The following SIDT2 variants were observed in gnomAD, a reference collection of about 807,000 sequenced individuals.
SIDT2 encodes SID1 transmembrane family, member 2.
A neutral mutation model predicts 114.4 loss-of-function variants in SIDT2; 68 were observed. The ratio of observed to expected loss-of-function variants is 0.59; its 90% confidence interval spans 0.49 to 0.73. SIDT2 has a LOEUF of 0.73. SIDT2 is among the 30% of genes least tolerant of loss of function. SIDT2 has a pLI of 0.00. For synonymous variants in SIDT2, 470 were observed against 438.4 expected, an observed-to-expected ratio of 1.07 and a Z score of -0.90; for missense variants, 918 against 1,097.1, an observed-to-expected ratio of 0.84 and a Z score of 2.31.
rs1234844233 is a variant in SIDT2, at chr11:117,190,028, G to T, written c.1493+3G>T. The T allele has an allele frequency of 6.2e-7, 1 of 1,614,142 alleles. No homozygotes were observed. The highest frequency in any genetic ancestry group is 1.1e-5 in the South Asian group (1 of 91,078). ...GCCCACCCACTGGGCAATCTCAGGT[G>T]GGGGTCATGCTGGGAGGCCCCTTGT... is the stretch of plus-strand genomic sequence containing the variant. On this transcript the variant is annotated splice_donor_region_variant and intron_variant, in intron 16 of 25. Coordinates refer to ENST00000324225, the MANE Select transcript of SIDT2 (RefSeq NM_001040455.2). This position sits in a 1 kb window ranked among gnomAD's most constrained non-coding sequence, Gnocchi z 4.1.
chr11:117,194,047 T>C, intron 24 of SIDT2, 84 bp downstream of exon 24: 1 of 1,096,968 alleles, frequency 9.1e-7, no homozygotes, highest in South Asian at 1.3e-5. Flanking sequence ...TGGGATTACC[T>C]GTAATCCCAG....
Position 117,187,655 on chromosome 11 carries a change from T to G in SIDT2, c.1115T>G (p.Leu372Arg). The G allele has an allele frequency of 3.1e-6, 5 of 1,614,106 alleles. No homozygotes were observed. The highest frequency in any genetic ancestry group is 4.2e-6 in the Non-Finnish European group (5 of 1,180,020). Residue 372 changes from leucine to arginine, a missense_variant, in exon 12 of 26, where the codon CTG (leucine) becomes CGG (arginine). Physicochemically the swap from Leu to Arg is moderately radical, Grantham distance 102. Coordinates refer to ENST00000324225, the MANE Select transcript of SIDT2 (RefSeq NM_001040455.2). ...AATGTTTCTGGATCTACCGATGGTC[T>G]GGTTGACAGCGCTGGCACTGGGGAC... ...FENVSGSTDG[L>R]VDSAGTGDLS...
Position 117,197,007 on chromosome 11 carries a change from C to T in SIDT2, c.*941C>T, listed in dbSNP as rs2030916782. 1 of 152,694 alleles carries T rather than the reference C, an allele frequency of 6.5e-6. No individual in the cohort carries two copies. The allele number at this position is 152,694 out of a possible 1,614,324, so 9.5% of individuals were successfully genotyped here. ...ACAGCTGTGGGCACCCCAGTGCCTA[C>T]CTTAGAAAGGGGCTTCAGGAAGGGA... is the stretch of plus-strand genomic sequence containing the variant. On this transcript the variant is annotated 3_prime_UTR_variant, in exon 26 of 26. Transcript: ENST00000324225.
At chr11:117,186,330 A>G (rs1326938103) in intron 9 of SIDT2, 107 bp downstream of exon 9, 5 of 988,216 alleles carry the variant, frequency 5.1e-6, no homozygotes, top group East Asian at 2.4e-5. Context: ...TACACCATCC[A>G]TAGCAGATGA....
At chr11:117,182,646 C>T (rs563890305) in intron 5 of SIDT2, 26 bp downstream of exon 5, 3 of 1,614,112 alleles carry the variant, frequency 1.9e-6, no homozygotes, top group Admixed American at 3.3e-5. Context: ...TTTTGCTCTT[C>T]CCCAGCAGGC....
chr11:117,184,429 CTT>C (rs1415732582), intron 8 of SIDT2, among the ~76,000 whole-genome samples: 1 of 152,112 alleles, frequency 6.6e-6, no homozygotes, highest in Non-Finnish European at 1.5e-5. Flanking sequence ...TTTAATTTTG[CTT>C]TGTTAGCATA....
At chr11:117,186,488 TGA>T (rs1186058322) in intron 9 of SIDT2, 94 bp from the exon 10 acceptor site, 7 of 1,209,814 alleles carry the variant, frequency 5.8e-6, no homozygotes, top group Non-Finnish European at 8.2e-6. Context: ...GTCATAGCGA[TGA>T]GAGTGGAGCA....
At chr11:117,194,745 C>A (rs764782989) in intron 24 of SIDT2, among the ~76,000 whole-genome samples, 1 of 152,082 alleles carries the variant, frequency 6.6e-6, no homozygotes, top group African/African-American at 2.4e-5. Context: ...AGTTAGGAGT[C>A]CAGGAAAGCT....
At position 117,188,455 on chromosome 11, in the gene SIDT2, C is replaced by T; in HGVS notation, c.1160-253C>T. 1.9e-6 allele frequency: 1 copy of T among 533,222 alleles called. No individual in the cohort carries two copies. The highest frequency in any genetic ancestry group is 3.4e-6 in the Non-Finnish European group (1 of 295,670). 33.0% of individuals were successfully genotyped at this position (533,222 alleles called of 1,614,324 possible). A position where few individuals can be genotyped will look rare whatever the true frequency, so the allele number is the denominator to read the frequency against. ...GGGAAGCCCTAGCCCATGAGGGGTG[C>T]CAGGAACAGAGCAAAGCTAGAGCGG... On this transcript the variant is annotated intron_variant, in intron 12 of 25. Transcript: ENST00000324225. This position sits in a 1 kb window ranked among gnomAD's most constrained non-coding sequence, Gnocchi z 4.0.
rs200916709 is a variant in SIDT2, at chr11:117,181,514, G to A, written c.282G>A (p.Gln94=). 1.3e-5 allele frequency: 21 copies of A among 1,613,856 alleles called. No homozygotes were observed. The highest frequency in any genetic ancestry group is 1.7e-5 in the Non-Finnish European group (20 of 1,179,992). Residue 94 remains glutamine, a synonymous_variant, in exon 2 of 26, where the codon CAG becomes CAA. Transcript: ENST00000324225. ...AGAAGGAGGCTGTGGTGTCCTTCCA[G>A]GTGCCCCTAATCCTGCGAGGGATGT... The part of the protein sequence containing the change: ...VRQKEAVVSF[Q]VPLILRGMFQ...
Position 117,190,940 on chromosome 11 carries a change from CTATG to C in SIDT2, c.1735+203_1735+206del. The C allele has an allele frequency of 1.8e-6, 1 of 562,478 alleles. No homozygotes were observed. The highest frequency in any genetic ancestry group is 2.2e-5 in the South Asian group (1 of 45,202). 34.8% of individuals were successfully genotyped at this position (562,478 alleles called of 1,614,324 possible). ...GCTTCATTCATCTGTCAAGCTATTC[CTATG>C]TAAAGGCATGTGCCGCAGTGAAGAA... On this transcript the variant is annotated intron_variant, in intron 18 of 25. Transcript: ENST00000324225. The surrounding 1 kb of genome is among the most constrained non-coding windows in gnomAD (Gnocchi z 4.1).
At position 117,192,943 on chromosome 11, in the gene SIDT2, T is replaced by C. The variant is rs2030757996; in HGVS notation, c.2105+77T>C. Reference sequence around the variant, plus strand: ...GTCAGCCACTGGCTGCCTTGGGGGCTAAGGACAACTTCCAAATGTTGGGCA... The same window carrying C: ...GTCAGCCACTGGCTGCCTTGGGGGCCAAGGACAACTTCCAAATGTTGGGCA... On this transcript the variant is annotated intron_variant, in intron 22 of 25. Transcript: ENST00000324225. This position sits in a 1 kb window ranked among gnomAD's most constrained non-coding sequence, Gnocchi z 5.9. The C allele has an allele frequency of 5.1e-6, 8 of 1,570,354 alleles. No individual in the cohort carries two copies. Among genetic ancestry groups the C allele is most frequent in the Non-Finnish European group, 7.0e-6 (8 of 1,140,422 alleles).
rs542591722 is a variant in SIDT2 at position 117,196,364 on chromosome 11, A to G, written c.*298A>G. On this transcript the variant is annotated 3_prime_UTR_variant, in exon 26 of 26. Coordinates refer to ENST00000324225, the MANE Select transcript of SIDT2 (RefSeq NM_001040455.2). The surrounding 1 kb of genome is among the most constrained non-coding windows in gnomAD (Gnocchi z 4.9). Reference sequence around the variant, plus strand: ...ATGGGCCCCTGTCCTTTGGCTCTCCATTTGTCCCTTTGCAAGAGGAAGGAT... The same window carrying G: ...ATGGGCCCCTGTCCTTTGGCTCTCCGTTTGTCCCTTTGCAAGAGGAAGGAT... 5.1e-5 allele frequency: 22 copies of G among 428,400 alleles called. No individual in the cohort carries two copies. Among genetic ancestry groups the G allele is most frequent in the African/African-American group, 2.2e-4 (11 of 50,562 alleles). The allele number at this position is 428,400 out of a possible 1,614,324, so 26.5% of individuals were successfully genotyped here. A position where few individuals can be genotyped will look rare whatever the true frequency, so the allele number is the denominator to read the frequency against.
intron 15 of SIDT2, 78 bp downstream of exon 15, chr11:117,189,479 C>T: frequency 1.4e-6 from 2 of 1,469,980 alleles, no homozygotes; most frequent in Admixed American, 1.9e-5. Context: ...AGCCTGGGGC[C>T]CTGGTGTTCC....
In SIDT2 at chr11:117,190,597, C is replaced by A; in HGVS notation, c.1618-26C>A. 6.5e-7 allele frequency: 1 copy of A among 1,537,704 alleles called. No individual in the cohort carries two copies. Among genetic ancestry groups the A allele is most frequent in the Non-Finnish European group, 8.8e-7 (1 of 1,130,940 alleles). ...CCCTTCCTGCCTCACTTCCTCCCTCCCTTCCCTTCTCTCTCTCCCCAACAG... is the reference window on the plus strand; with the variant it reads ...CCCTTCCTGCCTCACTTCCTCCCTCACTTCCCTTCTCTCTCTCCCCAACAG... On this transcript the variant is annotated intron_variant, in intron 17 of 25. Coordinates refer to ENST00000324225, the MANE Select transcript of SIDT2 (RefSeq NM_001040455.2). The surrounding 1 kb of genome is among the most constrained non-coding windows in gnomAD (Gnocchi z 4.1).
chr11:117,182,283 A>G (rs1427712692), intron 4 of SIDT2, 178 bp downstream of exon 4: 17 of 765,248 alleles, frequency 2.2e-5, no homozygotes, highest in Non-Finnish European at 3.6e-5. Context: ...GGGACTGTAC[A>G]GAGACATGGA....
intron 24 of SIDT2, 61 bp from the exon 25 acceptor site, chr11:117,195,741 G>A: frequency 6.4e-7 from 1 of 1,573,476 alleles, no homozygotes; most frequent in East Asian, 2.2e-5. Flanking sequence ...ATGGCAGATG[G>A]GTCTGGCCCT....
At position 117,192,381 on chromosome 11, in the gene SIDT2, C is replaced by T. The variant is rs375297545; in HGVS notation, c.1981+19C>T. 5.3e-6 allele frequency: 8 copies of T among 1,520,294 alleles called. No homozygotes were observed. The highest frequency in any genetic ancestry group is 6.4e-6 in the Non-Finnish European group (7 of 1,096,324). 94.2% of individuals were successfully genotyped at this position (1,520,294 alleles called of 1,614,324 possible). On this transcript the variant is annotated intron_variant, in intron 20 of 25. Coordinates refer to ENST00000324225, the MANE Select transcript of SIDT2 (RefSeq NM_001040455.2). The surrounding 1 kb of genome is among the most constrained non-coding windows in gnomAD (Gnocchi z 5.9). The stretch of plus-strand genomic sequence containing the variant: ...AAACTGGGTAAGGGCACGCCCGGGG[C>T]AGGGCCTGGGGGAGGGGTCTGGGGG...
In SIDT2 at chr11:117,196,647, G is replaced by C. The variant is rs2134264190; in HGVS notation, c.*581G>C. On this transcript the variant is annotated 3_prime_UTR_variant, in exon 26 of 26. Transcript: ENST00000324225. The surrounding 1 kb of genome is among the most constrained non-coding windows in gnomAD (Gnocchi z 4.9). ...GTTGGCCAGCTGGTGCCAGACTTTT[G>C]GTGCTAAGGCCTGCAAGGGGCCTGG... 6.1e-6 allele frequency: 1 copy of C among 164,480 alleles called. No homozygotes were observed. The highest frequency in any genetic ancestry group is 1.6e-4 in the South Asian group (1 of 6,220). 10.2% of individuals were successfully genotyped at this position (164,480 alleles called of 1,614,324 possible). A position where few individuals can be genotyped will look rare whatever the true frequency, so the allele number is the denominator to read the frequency against.
Sources: gnomAD v4.1 joint callset for allele counts (sites outside exome capture counted in the v4.1 genomes callset) on GRCh38, gnomAD v4.1.1 for gene constraint, Gnocchi (gnomAD v3.1) non-coding constraint, MANE v1.5 for transcripts, NCBI Gene and HGNC (gene_info 2026-07-23, HGNC 2026-07-21) for gene names.